The following GIN1 variants were observed in gnomAD, a reference collection of about 807,000 sequenced individuals.
The protein encoded by GIN1 is gypsy retrotransposon integrase 1.
A neutral mutation model predicts 51.4 loss-of-function variants in GIN1; 41 were observed. That is an observed-to-expected ratio of 0.80 (90% CI 0.62 to 1.04). The LOEUF is 1.04. Ranked by LOEUF, GIN1 falls within the 50% of genes least tolerant of loss-of-function variation. The pLI is 0.00. For synonymous variants in GIN1, 222 were observed against 206.5 expected (o/e 1.07, Z -0.64); for missense variants, 610 against 612.4 (o/e 1.00, Z 0.04).
At chr5:103,118,125 C>A (rs1376714652) in intron 1 of GIN1, among the ~76,000 whole-genome samples, 1 of 152,136 alleles carries the variant, frequency 6.6e-6, no homozygotes, top group Non-Finnish European at 1.5e-5. Context: ...GAATTACCTG[C>A]ATTTCCTGAA....
chr5:103,088,807 T>C (rs1787152128), intron 7 of GIN1, among the ~76,000 whole-genome samples: 2 of 152,076 alleles, frequency 1.3e-5, no homozygotes, highest in African/African-American at 4.8e-5. Flanking sequence ...AAAAAAATTA[T>C]AAAACTATTT....
intron 3 of GIN1, among the ~76,000 whole-genome samples, chr5:103,105,233 G>A (rs1183635127): frequency 1.3e-5 from 2 of 152,074 alleles, no homozygotes; most frequent in African/African-American, 4.8e-5. Context: ...CAGGACTTCG[G>A]TATGAGTAGA....
At chr5:103,112,688 T>C (rs1388010139) in intron 1 of GIN1, among the ~76,000 whole-genome samples, 1 of 152,226 alleles carries the variant, frequency 6.6e-6, no homozygotes, top group Non-Finnish European at 1.5e-5. Flanking sequence ...AAGTGTTCCA[T>C]GATCTCTGAA....
At chr5:103,093,212 T>C (rs1435437270) in intron 7 of GIN1, among the ~76,000 whole-genome samples, 1 of 152,112 alleles carries the variant, frequency 6.6e-6, no homozygotes, top group Non-Finnish European at 1.5e-5. Flanking sequence ...TAGGTAGTGA[T>C]GGAATTAAGG....
chr5:103,117,126 C>T (rs1237346145), intron 1 of GIN1, among the ~76,000 whole-genome samples: 1 of 151,890 alleles, frequency 6.6e-6, no homozygotes, highest in Non-Finnish European at 1.5e-5. Context: ...TCAGCCAAAA[C>T]CTGAAAACAA....
chr5:103,108,109 G>A (rs1787776077), intron 2 of GIN1, among the ~76,000 whole-genome samples: 1 of 152,064 alleles, frequency 6.6e-6, no homozygotes, highest in African/African-American at 2.4e-5. Context: ...ATGTGATCCT[G>A]AGAATATTTA....
At chr5:103,106,685 A>C (rs782690496) in intron 3 of GIN1, 31 bp downstream of exon 3, 2 of 1,250,672 alleles carry the variant, frequency 1.6e-6, no homozygotes, top group Non-Finnish European at 2.3e-6. Context: ...GAAAGACATT[A>C]TTCATAATAC....
chr5:103,107,162 G>GC (rs1225171964), intron 2 of GIN1, among the ~76,000 whole-genome samples: 1 of 151,968 alleles, frequency 6.6e-6, no homozygotes, highest in Non-Finnish European at 1.5e-5. Flanking sequence ...GAGCAAGCTT[G>GC]TTCACCAAAG....
chr5:103,107,865 T>C (rs968667984), intron 2 of GIN1, among the ~76,000 whole-genome samples: 2 of 152,104 alleles, frequency 1.3e-5, no homozygotes, highest in African/African-American at 4.8e-5. Flanking sequence ...TTATTTATTA[T>C]CCTAGAGTTT....
chr5:103,095,333 C>T lies in GIN1; in HGVS notation c.1294+1208G>A, dbSNP rs571846041. Among the ~76,000 whole-genome samples the T allele has an allele frequency of 4.6e-5, 7 of 152,218 alleles. No individual in the cohort carries two copies. The South Asian group carries it at 1.5e-3, about 32-fold the overall frequency. On this transcript the variant is annotated intron_variant, in intron 7 of 7. Transcript: ENST00000399004. ...TCTAAAAGCCATGGCAAAAACATCA[C>T]TTTACTAGGGTATCTTGACTGTTCA... is the stretch of plus-strand genomic sequence containing the variant.
Position 103,097,693 on chromosome 5 carries a change from G to A in GIN1, c.728C>T (p.Pro243Leu), listed in dbSNP as rs187700204. Reference sequence around the variant, plus strand: ...GGAGAGAAATGCTTTGATTGTGTTAGGTGTACTTTCCGTTGGGTTAACAGT... The same window carrying A: ...GGAGAGAAATGCTTTGATTGTGTTAAGTGTACTTTCCGTTGGGTTAACAGT... The part of the protein sequence containing the change: ...SGTVNPTEST[P>L]NTIKAFLSKH... Residue 243 changes from proline to leucine, a missense_variant, in exon 5 of 8, where the codon CCT (proline) becomes CTT (leucine). Transcript: ENST00000399004. The A allele has an allele frequency of 6.2e-7, 1 of 1,600,854 alleles. No individual in the cohort carries two copies. Among genetic ancestry groups the A allele is most frequent in the East Asian group, 2.2e-5 (1 of 44,786 alleles).
At position 103,086,052 on chromosome 5, in the gene GIN1, A is replaced by G. The variant is rs1787067633; in HGVS notation, c.*1846T>C. On this transcript the variant is annotated 3_prime_UTR_variant, in exon 8 of 8. Transcript: ENST00000399004. ...TCACAGTTCTGGAGGCAAAAGTCTG[A>G]GATAAGGTATTGACAGGGTTGGTCT... The G allele has an allele frequency of 6.6e-6, 1 of 152,210 alleles. No individual in the cohort carries two copies. The allele number at this position is 152,210 out of a possible 1,614,324, so 9.4% of individuals were successfully genotyped here.
rs961427815 is a variant in GIN1, at chr5:103,096,124, G to A, written c.1294+417C>T. Among the ~76,000 whole-genome samples the A allele has an allele frequency of 1.4e-4, 21 of 151,776 alleles. 1 individual carries two copies. The highest frequency in any genetic ancestry group is 8.5e-4 in the Admixed American group (13 of 15,212). ...TGGGAAGTCAAGGCGGGCAGGTCAC[G>A]GGAGGTCAGGAGTTCAAGACCAGCC... On this transcript the variant is annotated intron_variant, in intron 7 of 7. Coordinates refer to ENST00000399004, the MANE Select transcript of GIN1 (RefSeq NM_017676.2).
chr5:103,118,318 G>A (rs559288262), intron 1 of GIN1, among the ~76,000 whole-genome samples: 1 of 151,798 alleles, frequency 6.6e-6, no homozygotes, highest in East Asian at 1.9e-4. Flanking sequence ...CAATTACGAG[G>A]ATGATTAAAA....
At position 103,097,679 on chromosome 5, in the gene GIN1, C is replaced by T. The variant is rs1787445535; in HGVS notation, c.742G>A (p.Ala248Thr). The part of the protein sequence containing the change: ...PTESTPNTIK[A>T]FLSKHCADHP... ...TCAGCACAGTGTTTGGAGAGAAATGCTTTGATTGTGTTAGGTGTACTTTCC... is the reference window on the plus strand; with the variant it reads ...TCAGCACAGTGTTTGGAGAGAAATGTTTTGATTGTGTTAGGTGTACTTTCC... Residue 248 changes from alanine to threonine, a missense_variant, in exon 5 of 8, where the codon GCA (alanine) becomes ACA (threonine). Transcript: ENST00000399004. 6.2e-7 allele frequency: 1 copy of T among 1,606,258 alleles called. No individual in the cohort carries two copies. The highest frequency in any genetic ancestry group is 8.5e-7 in the Non-Finnish European group (1 of 1,172,880).
At chr5:103,096,908 TA>T in intron 6 of GIN1, 82 bp from the exon 7 acceptor site, 1 of 844,424 alleles carries the variant, frequency 1.2e-6, no homozygotes. Context: ...GAGAATATTG[TA>T]ACAAAATGGT....
At chr5:103,115,711 A>C (rs138233839) in intron 1 of GIN1, among the ~76,000 whole-genome samples, 254 of 152,228 alleles carry the variant, frequency 1.7e-3, no homozygotes, top group African/African-American at 5.8e-3. Flanking sequence ...ACTACAATTA[A>C]AACAATTTTT....
At chr5:103,097,518 T>C (rs1308236902) in intron 5 of GIN1, 28 bp from the exon 6 acceptor site, 4 of 1,495,690 alleles carry the variant, frequency 2.7e-6, no homozygotes, top group Non-Finnish European at 3.7e-6. Flanking sequence ...AACGTCAATT[T>C]TGTAATAAAA....
intron 4 of GIN1, among the ~76,000 whole-genome samples, 173 bp downstream of exon 4, chr5:103,104,368 T>C (rs1322370255): frequency 6.6e-6 from 1 of 152,202 alleles, no homozygotes; most frequent in Non-Finnish European, 1.5e-5. Context: ...AAAATCCTAA[T>C]CTCCTAATTT....
Sources: allele counts gnomAD v4.1 joint callset (sites outside exome capture counted in the v4.1 genomes callset), GRCh38; gene constraint gnomAD v4.1.1; transcripts MANE v1.5; gene names NCBI Gene and HGNC (gene_info 2026-07-23, HGNC 2026-07-21).